POTEE: variants seen among roughly 807,000 people sequenced by gnomAD.
POTEE encodes ANKRD26-like family C member 1A.
POTEE carries 21 observed loss-of-function variants against 74.2 expected under a neutral mutation model. The ratio of observed to expected loss-of-function variants is 0.28; its 90% CI spans 0.20 to 0.41. The LOEUF is 0.41. Among genes scored for constraint, POTEE ranks in the 10% least tolerant of loss-of-function variants. The pLI is 1.00. For synonymous variants in POTEE, 211 were observed against 432.8 expected, an observed-to-expected ratio of 0.49 and a Z score of 6.36; for missense variants, 525 against 1,158.6, an observed-to-expected ratio of 0.45 and a Z score of 7.94.
chr2:131,223,377 T>C (rs1700682534), intron 4 of POTEE, among the ~76,000 whole-genome samples: 1 of 149,434 alleles, frequency 6.7e-6, no homozygotes, highest in Non-Finnish European at 1.5e-5. Flanking sequence ...TTGAATGTCA[T>C]CCAAGGGCTA....
intron 2 of POTEE, among the ~76,000 whole-genome samples, chr2:131,214,612 T>G (rs1157149305): frequency 1.3e-5 from 2 of 152,198 alleles, no homozygotes; most frequent in African/African-American, 4.8e-5. Flanking sequence ...AAATATTTTG[T>G]AAGAAAAATA....
At chr2:131,233,701 G>A (rs1479143800) in intron 9 of POTEE, among the ~76,000 whole-genome samples, 2 of 150,062 alleles carry the variant, frequency 1.3e-5, no homozygotes, top group African/African-American at 5.0e-5. Context: ...TTAAATAAAA[G>A]CCATTTTGTA....
Position 131,218,735 on chromosome 2 carries a change from G to C in POTEE, c.333G>C (p.Gly111=). The change falls in exon 4 of 18, where the codon GGG becomes GGC. Residue 111 remains glycine, a synonymous_variant. Transcript: ENST00000683005. The part of the protein sequence containing the change: ...WCCHCFPCCR[G]SGKSKVGAWG... Reference sequence around the variant, plus strand: ...GCCACTGCTTCCCCTGCTGCAGGGGGAGCGGCAAGAGCAAGGTGGGCGCTT... The same window carrying C: ...GCCACTGCTTCCCCTGCTGCAGGGGCAGCGGCAAGAGCAAGGTGGGCGCTT... 1 of 1,579,638 alleles carries C rather than the reference G, an allele frequency of 6.3e-7. No individual in the cohort carries two copies. The highest frequency in any genetic ancestry group is 8.6e-7 in the Non-Finnish European group (1 of 1,157,180).
chr2:131,225,841 CTGT>C (rs1477318707), intron 6 of POTEE, among the ~76,000 whole-genome samples: 1 of 152,032 alleles, frequency 6.6e-6, no homozygotes, highest in East Asian at 1.9e-4. Flanking sequence ...TGACTTTTAT[CTGT>C]GACTGAGACA....
At chr2:131,230,707 A>G (rs1215712092) in intron 8 of POTEE, 129 bp from the exon 9 acceptor site, 1 of 849,844 alleles carries the variant, frequency 1.2e-6, no homozygotes, top group Non-Finnish European at 1.8e-6. Context: ...TCATAAGTGG[A>G]TGGGATAATA....
At chr2:131,225,164 A>G (rs974156594) in intron 6 of POTEE, among the ~76,000 whole-genome samples, 1 of 152,134 alleles carries the variant, frequency 6.6e-6, no homozygotes, top group Non-Finnish European at 1.5e-5. Context: ...ACCTGAGGAA[A>G]ATGTTTAAAT....
intron 4 of POTEE, among the ~76,000 whole-genome samples, chr2:131,222,045 C>T (rs1700634592): frequency 6.6e-6 from 1 of 152,262 alleles, no homozygotes; most frequent in South Asian, 2.1e-4. Context: ...TGCATTAGGA[C>T]TTAATCTCAA....
intron 8 of POTEE, among the ~76,000 whole-genome samples, chr2:131,230,006 T>C (rs1320788787): frequency 6.6e-6 from 1 of 152,084 alleles, no homozygotes; most frequent in Non-Finnish European, 1.5e-5. Flanking sequence ...TGAACATCAA[T>C]ATAAAGCATT....
rs921473964 is a variant in POTEE, at chr2:131,264,974, C to T, written c.*291C>T. The T allele has an allele frequency of 1.4e-4, 82 of 578,320 alleles. 1 individual carries two copies. In the African/African-American group the frequency reaches 1.4e-3, roughly 10 times the overall value. 35.8% of individuals were successfully genotyped at this position (578,320 alleles called of 1,614,324 possible). On this transcript the variant is annotated 3_prime_UTR_variant, in exon 18 of 18. Coordinates refer to ENST00000683005, the MANE Select transcript of POTEE (RefSeq NM_001083538.3). ...CGCATTGTTTCAGGAAGCCCCTTGC[C>T]CTGCTAAAAGCCATCCCACTTCTCT...
At chr2:131,221,566 A>G (rs1353543146) in intron 4 of POTEE, among the ~76,000 whole-genome samples, 2 of 152,180 alleles carry the variant, frequency 1.3e-5, no homozygotes, top group African/African-American at 4.8e-5. Flanking sequence ...CTTCTTGCAT[A>G]GATGCAAATA....
chr2:131,218,625 A>C lies in POTEE; in HGVS notation c.223A>C (p.Ser75Arg), dbSNP rs1335100727. 6.2e-7 allele frequency: 1 copy of C among 1,611,268 alleles called. No homozygotes were observed. Among genetic ancestry groups the C allele is most frequent in the East Asian group, 2.2e-5 (1 of 44,570 alleles). The change falls in exon 4 of 18, where the codon AGT becomes CGT. Residue 75 changes from serine to arginine, a missense_variant. By Grantham distance (110) the Ser-to-Arg change is moderately radical. Coordinates refer to ENST00000683005, the MANE Select transcript of POTEE (RefSeq NM_001083538.3). ...CCACTGCTTCCCCTGCTGCAGGGGG[A>C]GTGGCAAGAGCAACGTGGGCGCTTC... ...CHHCFPCCRG[S>R]GKSNVGASGD...
chr2:131,225,567 CTTT>C (rs376693812), intron 6 of POTEE, among the ~76,000 whole-genome samples: 1 of 120,198 alleles, frequency 8.3e-6, no homozygotes. Flanking sequence ...ATTAATCTGA[CTTT>C]TTTTTTTTTT....
At chr2:131,226,670 T>C (rs1700788601) in intron 6 of POTEE, among the ~76,000 whole-genome samples, 153 bp from the exon 7 acceptor site, 1 of 151,400 alleles carries the variant, frequency 6.6e-6, no homozygotes, top group African/African-American at 2.5e-5. Context: ...GAGCAGCGTG[T>C]GGGAAAGCAC....
chr2:131,233,931 A>G (rs1701044918), intron 9 of POTEE, among the ~76,000 whole-genome samples: 1 of 151,170 alleles, frequency 6.6e-6, no homozygotes, highest in Non-Finnish European at 1.5e-5. Flanking sequence ...GCAGCAGGTC[A>G]GCAGGAATGA....
chr2:131,232,652 C>A (rs1047428161), intron 9 of POTEE, among the ~76,000 whole-genome samples: 6 of 149,750 alleles, frequency 4.0e-5, no homozygotes, highest in African/African-American at 1.3e-4. Context: ...GGGTAGAATG[C>A]TTTGGACTGC....
intron 7 of POTEE, 67 bp downstream of exon 7, chr2:131,226,996 A>G: frequency 6.4e-7 from 1 of 1,565,124 alleles, no homozygotes; most frequent in Non-Finnish European, 8.7e-7. Flanking sequence ...TAAATATTAA[A>G]TTAATAAGAT....
intron 4 of POTEE, among the ~76,000 whole-genome samples, chr2:131,221,729 T>C (rs1311187203): frequency 1.3e-5 from 2 of 152,338 alleles, no homozygotes; most frequent in African/African-American, 4.8e-5. Context: ...TCATTAGATA[T>C]AGATTAACAT....
chr2:131,264,946 A>C lies in POTEE; in HGVS notation c.*263A>C, dbSNP rs1483785587. On this transcript the variant is annotated 3_prime_UTR_variant, in exon 18 of 18. Coordinates refer to ENST00000683005, the MANE Select transcript of POTEE (RefSeq NM_001083538.3). ...TTCAATAGTCATTCCAAATATTGTG[A>C]GACGCATTGTTTCAGGAAGCCCCTT... 2 of 600,506 alleles carry C rather than the reference A, an allele frequency of 3.3e-6. No individual in the cohort carries two copies. The highest frequency in any genetic ancestry group is 3.7e-5 in the African/African-American group (2 of 53,420). The allele number at this position is 600,506 out of a possible 1,614,324, so 37.2% of individuals were successfully genotyped here. A position where few individuals can be genotyped will look rare whatever the true frequency, so the allele number is the denominator to read the frequency against.
rs540317098 is a variant in POTEE at position 131,209,826 on chromosome 2, T to G, written c.-345+7T>G. Among the ~76,000 whole-genome samples, 12 of 151,974 alleles carry G rather than the reference T, an allele frequency of 7.9e-5. No individual in the cohort carries two copies. The South Asian group carries it at 2.1e-3, about 26-fold the overall frequency. ...TAGAAATGTCCTGGTGTAGGTGAGT[T>G]ATCCGGGGATGTACTGCCCGCCTGT... On this transcript the variant is annotated splice_region_variant and intron_variant, in intron 1 of 17. Transcript: ENST00000683005.
Sources: allele counts gnomAD v4.1 joint callset (sites outside exome capture counted in the v4.1 genomes callset), GRCh38; gene constraint gnomAD v4.1.1; transcripts MANE v1.5; gene names NCBI Gene and HGNC (gene_info 2026-07-23, HGNC 2026-07-21).